The following USH2A variants were observed in gnomAD, a reference collection of about 807,000 sequenced individuals.
USH2A encodes the protein usherin.
In USH2A, 443 loss-of-function variants were observed where a neutral mutation model predicts 538.9. The observed-to-expected ratio is 0.82, with a 90% CI of 0.76 to 0.89. USH2A has a LOEUF of 0.89. Among genes scored for constraint, USH2A ranks in the 40% least tolerant of loss-of-function variants. The pLI is 0.00. For synonymous variants in USH2A, 2,413 were observed against 2,273.5 expected, an observed-to-expected ratio of 1.06 and a Z score of -1.75; for missense variants, 6,633 against 6,324.8, an observed-to-expected ratio of 1.05 and a Z score of -1.65.
intron 9 of USH2A, among the ~76,000 whole-genome samples, chr1:216,299,236 A>G (rs1185374881): frequency 6.6e-6 from 1 of 152,080 alleles, no homozygotes; most frequent in Non-Finnish European, 1.5e-5. Context: ...TAAATGCCCA[A>G]AAGCAAGAGA....
intron 49 of USH2A, among the ~76,000 whole-genome samples, chr1:215,809,323 T>G (rs116049403): frequency 0.01 from 1,573 of 152,274 alleles, 22 homozygotes; most frequent in African/African-American, 0.036. Context: ...TATACACATC[T>G]ACATGGCGAA....
intron 21 of USH2A, among the ~76,000 whole-genome samples, chr1:216,119,290 G>A (rs1029110674): frequency 9.2e-5 from 14 of 151,966 alleles, no homozygotes; most frequent in Non-Finnish European, 1.6e-4. Context: ...AAACATTAGA[G>A]GTAAATGATT....
chr1:215,934,430 A>G (rs1227152679), intron 38 of USH2A, among the ~76,000 whole-genome samples, 186 bp downstream of exon 38: 1 of 152,038 alleles, frequency 6.6e-6, no homozygotes, highest in Non-Finnish European at 1.5e-5. Flanking sequence ...ACAAAACAAT[A>G]AAAGATCGTC....
chr1:216,370,602 C>A (rs1435181180), intron 3 of USH2A, among the ~76,000 whole-genome samples: 1 of 118,250 alleles, frequency 8.5e-6, no homozygotes, highest in Non-Finnish European at 1.6e-5. Context: ...TTGCTAAACC[C>A]GGGAGGCGGA....
intron 32 of USH2A, among the ~76,000 whole-genome samples, chr1:216,013,050 T>C (rs1325355268): frequency 6.6e-6 from 1 of 152,194 alleles, no homozygotes; most frequent in African/African-American, 2.4e-5. Flanking sequence ...CTCTTAACTC[T>C]TGAAGTAAAT....
chr1:216,408,693 G>A (rs977614103), intron 3 of USH2A, among the ~76,000 whole-genome samples: 3 of 152,124 alleles, frequency 2.0e-5, no homozygotes, highest in African/African-American at 4.8e-5. Flanking sequence ...TCTTGGCATA[G>A]CCAAATTGCC....
At chr1:215,814,439 A>G (rs1271495562) in intron 48 of USH2A, among the ~76,000 whole-genome samples, 4 of 151,880 alleles carry the variant, frequency 2.6e-5, no homozygotes, top group Non-Finnish European at 5.9e-5. Flanking sequence ...AGACAACAGA[A>G]GAAGTTAATT....
Position 215,879,046 on chromosome 1 carries a change from A to C in USH2A, c.8276T>G (p.Ile2759Ser), listed in dbSNP as rs949022186. Residue 2759 changes from isoleucine to serine, a missense_variant, in exon 42 of 72, where the codon ATT becomes AGT. By Grantham distance (142) the Ile-to-Ser change is moderately radical. Coordinates refer to ENST00000307340, the MANE Select transcript of USH2A (RefSeq NM_206933.4). The stretch of plus-strand genomic sequence containing the variant: ...AGTGATGTGAGGGTCAGGCATGTGA[A>C]TCTCATAGCTAAGTATGTCTCCGTT... ...IQNGDILSYE[I>S]HMPDPHITLT... The C allele has an allele frequency of 1.2e-6, 2 of 1,613,972 alleles. No individual in the cohort carries two copies. The highest frequency in any genetic ancestry group is 1.7e-5 in the Admixed American group (1 of 59,990).
intron 51 of USH2A, among the ~76,000 whole-genome samples, chr1:215,788,545 C>T (rs1343739445): frequency 1.3e-5 from 2 of 151,926 alleles, no homozygotes; most frequent in African/African-American, 4.8e-5. Flanking sequence ...ATCCTAAATG[C>T]TCTCATCACA....
At chr1:216,191,159 A>G (rs543957956) in intron 19 of USH2A, among the ~76,000 whole-genome samples, 87 of 152,150 alleles carry the variant, frequency 5.7e-4, no homozygotes, top group Admixed American at 1.8e-3. Context: ...AGGCCACTAG[A>G]AATTATATTC....
chr1:215,960,931 G>T (rs1184252222), intron 37 of USH2A, among the ~76,000 whole-genome samples: 1 of 152,104 alleles, frequency 6.6e-6, no homozygotes, highest in Non-Finnish European at 1.5e-5. Flanking sequence ...ACTTGGCTAA[G>T]TTTGTCTGCC....
intron 71 of USH2A, among the ~76,000 whole-genome samples, chr1:215,626,228 A>T (rs867566213): frequency 6.7e-6 from 1 of 150,048 alleles, no homozygotes; most frequent in Non-Finnish European, 1.5e-5. Flanking sequence ...ATATATATAT[A>T]TTTTTAGTAT....
rs758162920 is a variant in USH2A, at chr1:215,844,434, A to G, written c.9118T>C (p.Trp3040Arg). Residue 3040 changes from tryptophan (W) to arginine (R), a missense_variant, in exon 46 of 72, where the codon TGG (tryptophan) becomes CGG (arginine). Trp to Arg is a moderately radical substitution (Grantham distance 101, BLOSUM62 -3). Coordinates refer to ENST00000307340, the MANE Select transcript of USH2A (RefSeq NM_206933.4). ...CCATTTGGGTTTGAAGGAGATGTCC[A>G]GATGACACGTACAGCTGTACTGTTG... ...IINSTAVRVIWTSPSNPNGVV... is the reference protein window; with the variant it reads ...IINSTAVRVIRTSPSNPNGVV... 1.9e-6 allele frequency: 3 copies of G among 1,613,190 alleles called. No individual in the cohort carries two copies. Among genetic ancestry groups the G allele is most frequent in the Admixed American group, 1.7e-5 (1 of 59,902 alleles).
At chr1:215,876,768 G>A (rs1272231591) in intron 43 of USH2A, among the ~76,000 whole-genome samples, 1 of 152,182 alleles carries the variant, frequency 6.6e-6, no homozygotes, top group Non-Finnish European at 1.5e-5. Context: ...CGTGGCAGAT[G>A]ATCTAGTCAG....
At chr1:216,413,719 A>C (rs1405686653) in intron 3 of USH2A, among the ~76,000 whole-genome samples, 1 of 152,090 alleles carries the variant, frequency 6.6e-6, no homozygotes, top group African/African-American at 2.4e-5. Context: ...TTGTCAATGT[A>C]TCAAGGAGCC....
In USH2A at chr1:216,393,204, A is replaced by G. The variant is rs79354414; in HGVS notation, c.651+25310T>C. On this transcript the variant is annotated intron_variant, in intron 3 of 71. Transcript: ENST00000307340. ...TGATCTTCCATGAAGCATACTATGC[A>G]CTTATTCGAGTGTGCTACTATTGTG... Among the ~76,000 whole-genome samples the G allele has an allele frequency of 5.7e-3, 875 of 152,322 alleles. 11 individuals are homozygous for G. Among genetic ancestry groups the G allele is most frequent in the Admixed American group, 0.021 (323 of 15,298 alleles).
intron 43 of USH2A, among the ~76,000 whole-genome samples, chr1:215,869,575 C>T (rs940035569): frequency 8.5e-5 from 13 of 152,182 alleles, no homozygotes; most frequent in African/African-American, 2.6e-4. Context: ...ATTGAACCAG[C>T]GACCTTGGCT....
At chr1:216,282,445 A>G (rs1322337015) in intron 11 of USH2A, among the ~76,000 whole-genome samples, 3 of 152,214 alleles carry the variant, frequency 2.0e-5, no homozygotes, top group Non-Finnish European at 4.4e-5. Flanking sequence ...TTTTGCATAT[A>G]AAAACACAAT....
chr1:215,730,495 G>T (rs2797261), intron 60 of USH2A, among the ~76,000 whole-genome samples: 137,538 of 152,202 alleles, frequency 0.9, 62,881 homozygotes, highest in Non-Finnish European at 0.99. Flanking sequence ...GATGAATACA[G>T]TAATATTTTC....
Sources: gnomAD v4.1 joint callset for allele counts (sites outside exome capture counted in the v4.1 genomes callset) on GRCh38, gnomAD v4.1.1 for gene constraint, MANE v1.5 for transcripts, NCBI Gene and HGNC (gene_info 2026-07-23, HGNC 2026-07-21) for gene names.